NEK6: variants seen among roughly 807,000 people sequenced by gnomAD.
NEK6 encodes the protein serine/threonine-protein kinase Nek6.
A neutral mutation model predicts 43.5 loss-of-function variants in NEK6; 27 were observed. That is an observed-to-expected ratio of 0.62 (90% CI 0.46 to 0.86). The LOEUF (loss-of-function observed/expected upper bound fraction) is 0.86, where lower values mean the gene tolerates loss of function less well. NEK6 is among the 40% of genes least tolerant of loss of function. NEK6 has a pLI of 0.00. For missense variants in NEK6, 318 were observed against 414.4 expected, an observed-to-expected ratio of 0.77 and a Z score of 2.02; for synonymous variants, 167 against 164.1, an observed-to-expected ratio of 1.02 and a Z score of -0.14.
chr9:124,301,764 C>T (rs1181037237), intron 1 of NEK6, among the ~76,000 whole-genome samples, 172 bp from the exon 2 acceptor site: 3 of 152,164 alleles, frequency 2.0e-5, no homozygotes. Context: ...GACTGTGTCA[C>T]CCGGGGGTGT....
intron 1 of NEK6, among the ~76,000 whole-genome samples, chr9:124,298,576 G>A (rs948747979): frequency 2.0e-5 from 3 of 152,088 alleles, no homozygotes; most frequent in Non-Finnish European, 4.4e-5. Context: ...CAGCAGCACA[G>A]GCCCCATTCT....
chr9:124,330,138 C>A (rs1432790452), intron 7 of NEK6, among the ~76,000 whole-genome samples: 1 of 152,180 alleles, frequency 6.6e-6, no homozygotes, highest in Non-Finnish European at 1.5e-5. Flanking sequence ...TAGTCAGTGC[C>A]ATGGTCGGGC....
chr9:124,295,104 C>T (rs1158058785), intron 1 of NEK6, among the ~76,000 whole-genome samples: 1 of 152,244 alleles, frequency 6.6e-6, no homozygotes, highest in African/African-American at 2.4e-5. Context: ...GAGGCCCCAC[C>T]ACCCTGAGGA....
intron 5 of NEK6, among the ~76,000 whole-genome samples, chr9:124,325,534 A>G (rs903275475): frequency 2.0e-5 from 3 of 152,366 alleles, no homozygotes; most frequent in Non-Finnish European, 2.9e-5. Context: ...GCTGGTATGC[A>G]GGTAGCTGGT....
At position 124,326,850 on chromosome 9, in the gene NEK6, C is replaced by G. The variant is rs1478938388; in HGVS notation, c.514+412C>G. 6.6e-6 allele frequency among the ~76,000 whole-genome samples: 1 copy of G among 152,192 alleles called. No individual in the cohort carries two copies. Among genetic ancestry groups the G allele is most frequent in the African/African-American group, 2.4e-5 (1 of 41,460 alleles). On this transcript the variant is annotated intron_variant, in intron 6 of 9. Coordinates refer to ENST00000320246, the MANE Select transcript of NEK6 (RefSeq NM_014397.6). The surrounding 1 kb of genome is among the most constrained non-coding windows in gnomAD (Gnocchi z 4.5). ...AGAAAGGAGCCTGCTGGGTGCCCGGCAGGGCACGAGGTCCTTTACGTAGGC... is the reference window on the plus strand; with the variant it reads ...AGAAAGGAGCCTGCTGGGTGCCCGGGAGGGCACGAGGTCCTTTACGTAGGC...
At chr9:124,257,947 A>AGGCGGT (rs1438912853), upstream of NEK6, 13 of 976,594 alleles carry the variant, frequency 1.3e-5, no homozygotes, top group East Asian at 1.2e-4. Flanking sequence ...GGGCCCGCGC[A>AGGCGGT]GGCGGTGGCG....
In NEK6 at chr9:124,325,101, G is replaced by A. The variant is rs564895048; in HGVS notation, c.406-1229G>A. Among the ~76,000 whole-genome samples, 8 of 152,258 alleles carry A rather than the reference G, an allele frequency of 5.3e-5. No homozygotes were observed. The South Asian group carries it at 8.3e-4, about 16-fold the overall frequency. On this transcript the variant is annotated intron_variant, in intron 5 of 9. Transcript: ENST00000320246. The stretch of plus-strand genomic sequence containing the variant: ...GAGGCAGGAGAATTGCTTGAACCCA[G>A]GAGGTGGAGGTTGCAGTGAGCTGAG...
At chr9:124,292,614 A>G in intron 1 of NEK6, 2 of 1,513,310 alleles carry the variant, frequency 1.3e-6, no homozygotes, top group East Asian at 2.5e-5. Context: ...ACTGTCAGTC[A>G]GCAGGGTAGT....
At chr9:124,348,204 C>T (rs1830053797) in intron 9 of NEK6, among the ~76,000 whole-genome samples, 1 of 152,212 alleles carries the variant, frequency 6.6e-6, no homozygotes, top group South Asian at 2.1e-4. Context: ...CGTCCCCATA[C>T]CACCAGTGGT....
chr9:124,345,799 T>C (rs933543956), intron 8 of NEK6, among the ~76,000 whole-genome samples: 4 of 152,180 alleles, frequency 2.6e-5, no homozygotes, highest in African/African-American at 9.7e-5. Context: ...TCCTGGAGTC[T>C]CAGCTGCTCT....
intron 8 of NEK6, among the ~76,000 whole-genome samples, chr9:124,341,745 C>T (rs1016687192): frequency 1.3e-5 from 2 of 148,778 alleles, no homozygotes; most frequent in South Asian, 2.2e-4. Context: ...TGGGTGGGCT[C>T]GGGGGAGGGC....
intron 8 of NEK6, among the ~76,000 whole-genome samples, chr9:124,339,925 G>A (rs1588539693): frequency 1.3e-5 from 2 of 151,974 alleles, no homozygotes; most frequent in African/African-American, 4.8e-5. Flanking sequence ...AGGGAGCACA[G>A]GCCAGGCATC....
intron 1 of NEK6, among the ~76,000 whole-genome samples, chr9:124,289,024 C>T (rs1345191193): frequency 6.6e-6 from 1 of 152,040 alleles, no homozygotes; most frequent in Non-Finnish European, 1.5e-5. Context: ...CTCTTTCACC[C>T]AGGTGGAATG....
In NEK6 at chr9:124,292,341, C is replaced by T. The variant is rs770675918; in HGVS notation, c.-29-9595C>T. The T allele has an allele frequency of 3.2e-4, 469 of 1,463,356 alleles. 1 individual carries two copies. Among genetic ancestry groups the T allele is most frequent in the Admixed American group, 5.5e-4 (23 of 41,904 alleles). 90.6% of individuals were successfully genotyped at this position (1,463,356 alleles called of 1,614,324 possible). ...GGGTGGCTGCTGATGGCTGCTTTCACATTGAGTAATCCCTGGGCTTGGCCA... is the reference window on the plus strand; with the variant it reads ...GGGTGGCTGCTGATGGCTGCTTTCATATTGAGTAATCCCTGGGCTTGGCCA... On this transcript the variant is annotated intron_variant, in intron 1 of 9. Coordinates refer to ENST00000320246, the MANE Select transcript of NEK6 (RefSeq NM_014397.6).
At chr9:124,315,104 C>T (rs1197887296) in intron 4 of NEK6, among the ~76,000 whole-genome samples, 4 of 152,218 alleles carry the variant, frequency 2.6e-5, no homozygotes, top group Non-Finnish European at 5.9e-5. Context: ...CAGGCCTTGG[C>T]CCTGCTCTTG....
chr9:124,326,565 A>G lies in NEK6; in HGVS notation c.514+127A>G. ...TTGGACCGCTCTGTATTCCCCAGGC[A>G]AGGGGGCTGCCCAGCAACCGCGCAC... On this transcript the variant is annotated intron_variant, in intron 6 of 9. Coordinates refer to ENST00000320246, the MANE Select transcript of NEK6 (RefSeq NM_014397.6). This position sits in a 1 kb window ranked among gnomAD's most constrained non-coding sequence, Gnocchi z 4.5. 1 of 680,006 alleles carries G rather than the reference A, an allele frequency of 1.5e-6. No individual in the cohort carries two copies. Among genetic ancestry groups the G allele is most frequent in the Non-Finnish European group, 2.6e-6 (1 of 387,278 alleles). The allele number at this position is 680,006 out of a possible 1,614,324, so 42.1% of individuals were successfully genotyped here.
At chr9:124,308,879 C>T (rs1406315963) in intron 2 of NEK6, among the ~76,000 whole-genome samples, 1 of 152,232 alleles carries the variant, frequency 6.6e-6, no homozygotes, top group East Asian at 1.9e-4. Flanking sequence ...GTGTGGACGA[C>T]CAGCCCAGGG....
intron 2 of NEK6, among the ~76,000 whole-genome samples, chr9:124,303,411 A>G (rs1399304021): frequency 6.6e-6 from 1 of 152,192 alleles, no homozygotes; most frequent in African/African-American, 2.4e-5. Flanking sequence ...CAGGTTATGC[A>G]CTGCACAAAG....
At chr9:124,287,505 G>A (rs761239554) in intron 1 of NEK6, among the ~76,000 whole-genome samples, 4 of 152,190 alleles carry the variant, frequency 2.6e-5, no homozygotes, top group Non-Finnish European at 2.9e-5. Context: ...ATGATAGTGT[G>A]GACAAAAGTC....
Sources: allele counts gnomAD v4.1 joint callset (sites outside exome capture counted in the v4.1 genomes callset), GRCh38; gene constraint gnomAD v4.1.1; non-coding constraint Gnocchi (gnomAD v3.1); transcripts MANE v1.5; gene names NCBI Gene and HGNC (gene_info 2026-07-23, HGNC 2026-07-21).